The following UGT1A8 variants were observed in gnomAD, a reference collection of about 807,000 sequenced individuals.
UGT1A8 encodes UDP-glucuronosyltransferase 1A8.
In UGT1A8, 39 loss-of-function variants were observed where a neutral mutation model predicts 45.3. The ratio of observed to expected loss-of-function variants is 0.86; its 90% CI spans 0.67 to 1.12. The LOEUF (loss-of-function observed/expected upper bound fraction) is 1.12. Ranked by LOEUF, UGT1A8 falls within the 50% of genes most tolerant of loss-of-function variation. UGT1A8 has a pLI of 0.00. For missense variants in UGT1A8, 719 were observed against 664.9 expected, an observed-to-expected ratio of 1.08 and a Z score of -0.90; for synonymous variants, 275 against 249.2, an observed-to-expected ratio of 1.10 and a Z score of -0.97.
chr2:233,637,307 C>G (rs144421115), intron 1 of UGT1A8: 1 of 1,613,904 alleles, frequency 6.2e-7, no homozygotes, highest in Non-Finnish European at 8.5e-7. Flanking sequence ...TTGGACTATC[C>G]CAAACCCGTG....
intron 1 of UGT1A8, among the ~76,000 whole-genome samples, chr2:233,653,607 G>C (rs2073789075): frequency 6.6e-6 from 1 of 151,930 alleles, no homozygotes; most frequent in African/African-American, 2.4e-5. Flanking sequence ...GTTTTGTTTT[G>C]TTTTTTTGAG....
chr2:233,762,695 CT>C lies in UGT1A8; in HGVS notation c.856-4335del, dbSNP rs571184142. Among the ~76,000 whole-genome samples, 40 of 148,314 alleles carry C rather than the reference CT, an allele frequency of 2.7e-4. No individual in the cohort carries two copies. The South Asian group carries it at 8.3e-3, about 31-fold the overall frequency. ...TTTGTTCTGTTTCTTTCTCATTCAT[CT>C]TTTCTTAAGTATTTTACACGGTTTT... On this transcript the variant is annotated intron_variant, in intron 1 of 4. Coordinates refer to ENST00000373450, the MANE Select transcript of UGT1A8 (RefSeq NM_019076.5).
At position 233,675,856 on chromosome 2, in the gene UGT1A8, A is replaced by G. The variant is rs28969706; in HGVS notation, c.855+57294A>G. On this transcript the variant is annotated intron_variant, in intron 1 of 4. Transcript: ENST00000373450. ...GAACAATTCATTTAATATAAAAAATAAGAAAAATTTGTTACATAGCCACAA... is the reference window on the plus strand; with the variant it reads ...GAACAATTCATTTAATATAAAAAATGAGAAAAATTTGTTACATAGCCACAA... Among the ~76,000 whole-genome samples, 1,490 of 152,324 alleles carry G rather than the reference A, an allele frequency of 9.8e-3. 36 individuals carry two copies. Among genetic ancestry groups the G allele is most frequent in the African/African-American group, 0.034 (1,393 of 41,570 alleles).
chr2:233,636,290 A>G (rs2073287898), intron 1 of UGT1A8, among the ~76,000 whole-genome samples: 1 of 152,052 alleles, frequency 6.6e-6, no homozygotes, highest in South Asian at 2.1e-4. Flanking sequence ...TCCAAGGCGA[A>G]GACCATAATC....
chr2:233,772,882 T>C lies in UGT1A8; in HGVS notation c.*323T>C. 1.8e-6 allele frequency: 1 copy of C among 558,640 alleles called. No homozygotes were observed. Among genetic ancestry groups the C allele is most frequent in the Non-Finnish European group, 2.8e-6 (1 of 359,816 alleles). The allele number at this position is 558,640 out of a possible 1,614,324, so 34.6% of individuals were successfully genotyped here. ...CATGGCCTGTTTGGGAGTGCGGGAT[T>C]CAAAGGTGGTCCCACGGCTGCCCCT... On this transcript the variant is annotated 3_prime_UTR_variant, in exon 5 of 5. Transcript: ENST00000373450.
At chr2:233,671,886 T>A in intron 1 of UGT1A8, 2 of 1,560,644 alleles carry the variant, frequency 1.3e-6, no homozygotes, top group Non-Finnish European at 1.7e-6. Context: ...ACCTACTGTA[T>A]CATAGGAGCT....
intron 1 of UGT1A8, among the ~76,000 whole-genome samples, chr2:233,746,093 C>A (rs887469557): frequency 1.5e-4 from 23 of 151,770 alleles, no homozygotes; most frequent in African/African-American, 5.1e-4. Flanking sequence ...TATACAGAAA[C>A]ATGTCCAGAG....
chr2:233,756,182 C>T (rs1035761363), intron 1 of UGT1A8: 1 of 152,192 alleles, frequency 6.6e-6, no homozygotes, highest in African/African-American at 2.4e-5. Flanking sequence ...TTGAGAATCG[C>T]TAGTCTAGCA....
intron 1 of UGT1A8, among the ~76,000 whole-genome samples, chr2:233,675,785 T>G (rs1389957928): frequency 6.6e-6 from 1 of 152,194 alleles, no homozygotes; most frequent in Non-Finnish European, 1.5e-5. Flanking sequence ...TAAAAATAAA[T>G]TTGTATGTTT....
chr2:233,678,125 T>A (rs1322268518), intron 1 of UGT1A8, among the ~76,000 whole-genome samples: 2 of 152,130 alleles, frequency 1.3e-5, no homozygotes, highest in East Asian at 1.9e-4. Context: ...GTGGGTACTT[T>A]TGGGCATAAA....
At chr2:233,752,366 A>C (rs1575711623) in intron 1 of UGT1A8, 1 of 152,202 alleles carries the variant, frequency 6.6e-6, no homozygotes, top group Non-Finnish European at 1.5e-5. Context: ...TAGGGGTCTC[A>C]AGAGGGTCAT....
chr2:233,652,922 C>A (rs1364378921), intron 1 of UGT1A8, among the ~76,000 whole-genome samples: 1 of 152,184 alleles, frequency 6.6e-6, no homozygotes, highest in Non-Finnish European at 1.5e-5. Context: ...TGATGTGACA[C>A]ACACATTGTT....
intron 1 of UGT1A8, among the ~76,000 whole-genome samples, chr2:233,705,135 TGA>T (rs1491386088): frequency 0.019 from 1,905 of 98,440 alleles, 46 homozygotes; most frequent in African/African-American, 0.1. Context: ...AGACTTCGTC[TGA>T]AAAAAAAAAA....
chr2:233,681,598 G>C (rs567691515), intron 1 of UGT1A8, among the ~76,000 whole-genome samples: 1 of 148,178 alleles, frequency 6.7e-6, no homozygotes, highest in Non-Finnish European at 1.5e-5. Context: ...TATTAGCTTC[G>C]TTCAAATTTA....
chr2:233,720,322 A>G (rs1355455978), intron 1 of UGT1A8, among the ~76,000 whole-genome samples: 2 of 152,124 alleles, frequency 1.3e-5, no homozygotes, highest in African/African-American at 4.8e-5. Context: ...ATGTGGGGAC[A>G]TCGTAGAGTT....
At chr2:233,727,955 A>G (rs2077669269) in intron 1 of UGT1A8, among the ~76,000 whole-genome samples, 2 of 152,220 alleles carry the variant, frequency 1.3e-5, no homozygotes, top group Admixed American at 6.5e-5. Flanking sequence ...GCCTGCCCAC[A>G]TCATCCTGAG....
chr2:233,729,623 C>G (rs142986334), intron 1 of UGT1A8: 41 of 1,613,794 alleles, frequency 2.5e-5, no homozygotes, highest in Admixed American at 2.3e-4. Flanking sequence ...AAGTACCTGT[C>G]GATTCCTACT....
chr2:233,714,908 G>A (rs149876180), intron 1 of UGT1A8, among the ~76,000 whole-genome samples: 2,802 of 146,068 alleles, frequency 0.019, 40 homozygotes, highest in South Asian at 0.029. Context: ...ATGGAGTCTT[G>A]CTCTGTCACC....
At chr2:233,682,300 T>C (rs997680321) in intron 1 of UGT1A8, 32 of 1,614,098 alleles carry the variant, frequency 2.0e-5, no homozygotes, top group Non-Finnish European at 2.5e-5. Context: ...ACTTATTTTT[T>C]TCAAATTGCA....
Sources: allele counts gnomAD v4.1 joint callset (sites outside exome capture counted in the v4.1 genomes callset), GRCh38; gene constraint gnomAD v4.1.1; transcripts MANE v1.5; gene names NCBI Gene and HGNC (gene_info 2026-07-23, HGNC 2026-07-21).